Variants in PSKH1 observed in about 807,000 individuals in gnomAD.
PSKH1 encodes the protein protein serine kinase H1, also known as serine/threonine-protein kinase H1.
PSKH1 carries 12 observed loss-of-function variants against 26.7 expected under a neutral mutation model. The ratio of observed to expected loss-of-function variants is 0.45; its 90% confidence interval spans 0.29 to 0.73. The LOEUF (loss-of-function observed/expected upper bound fraction) is 0.73. Ranked by LOEUF, PSKH1 falls within the 30% of genes least tolerant of loss-of-function variation. PSKH1 has a pLI of 0.11. For synonymous variants in PSKH1, 213 were observed against 234.3 expected (o/e 0.91, Z 0.83); for missense variants, 431 against 595.2 (o/e 0.72, Z 2.87).
chr16:67,899,289 A>G (rs961797131), intron 1 of PSKH1, among the ~76,000 whole-genome samples: 3 of 151,320 alleles, frequency 2.0e-5, no homozygotes, highest in Admixed American at 6.6e-5. Context: ...AGGTTCTAGA[A>G]TTGTTGACTT....
chr16:67,917,200 G>C (rs535419238), intron 2 of PSKH1, among the ~76,000 whole-genome samples: 4 of 152,220 alleles, frequency 2.6e-5, no homozygotes, highest in Non-Finnish European at 5.9e-5. Context: ...TTACAGATGA[G>C]GAAACTGAGG....
At chr16:67,915,841 G>GC (rs2058186432) in intron 2 of PSKH1, among the ~76,000 whole-genome samples, 1 of 152,144 alleles carries the variant, frequency 6.6e-6, no homozygotes, top group South Asian at 2.1e-4. Context: ...CCTGGCCACT[G>GC]CCCACCCACA....
At position 67,909,207 on chromosome 16, in the gene PSKH1, C is replaced by T; in HGVS notation, c.458C>T (p.Ala153Val). Residue 153 changes from alanine to valine, a missense_variant, in exon 2 of 3, where the codon GCC (alanine) becomes GTC (valine). Coordinates refer to ENST00000291041, the MANE Select transcript of PSKH1 (RefSeq NM_006742.3). This position sits in a 1 kb window ranked among gnomAD's most constrained non-coding sequence, Gnocchi z 7.8. The stretch of plus-strand genomic sequence containing the variant: ...CGTGTGCTGCGTCGGGTGCGTCATG[C>T]CAACATCATCCAGCTGGTGGAGGTG... ...ELRVLRRVRH[A>V]NIIQLVEVFE... 6.2e-7 allele frequency: 1 copy of T among 1,614,114 alleles called. No individual in the cohort carries two copies. Among genetic ancestry groups the T allele is most frequent in the Non-Finnish European group, 8.5e-7 (1 of 1,180,038 alleles).
intron 1 of PSKH1, among the ~76,000 whole-genome samples, chr16:67,905,332 T>C (rs1422007576): frequency 1.3e-5 from 2 of 152,158 alleles, no homozygotes; most frequent in Non-Finnish European, 2.9e-5. Flanking sequence ...CCTGCCTTTG[T>C]ACCACCAAAC....
chr16:67,926,645 T>C (rs1209869572), intron 2 of PSKH1, among the ~76,000 whole-genome samples: 1 of 152,154 alleles, frequency 6.6e-6, no homozygotes, highest in Non-Finnish European at 1.5e-5. Flanking sequence ...CAGAATGTAC[T>C]AAAATGAGGC....
At chr16:67,924,916 G>A (rs2058211956) in intron 2 of PSKH1, among the ~76,000 whole-genome samples, 1 of 152,120 alleles carries the variant, frequency 6.6e-6, no homozygotes, top group Non-Finnish European at 1.5e-5. Context: ...CCCAGTAGTG[G>A]TTCCTTGTGT....
intron 2 of PSKH1, among the ~76,000 whole-genome samples, chr16:67,922,718 C>T (rs534183575): frequency 4.6e-5 from 7 of 152,276 alleles, no homozygotes; most frequent in Admixed American, 1.3e-4. Context: ...TCTCTAAGGC[C>T]GACAGAGAAG....
intron 2 of PSKH1, among the ~76,000 whole-genome samples, chr16:67,915,922 A>T (rs1028838729): frequency 1.3e-5 from 2 of 152,208 alleles, no homozygotes; most frequent in African/African-American, 2.4e-5. Flanking sequence ...CTAGAGGTTG[A>T]GATTGCCTGG....
intron 1 of PSKH1, among the ~76,000 whole-genome samples, chr16:67,905,690 C>G (rs892225105): frequency 5.9e-5 from 9 of 152,036 alleles, no homozygotes; most frequent in Middle Eastern, 3.2e-3. Flanking sequence ...AACCCTTTCT[C>G]TCTACTAAAA....
chr16:67,895,306 C>T (rs1233754014), intron 1 of PSKH1, among the ~76,000 whole-genome samples: 5 of 151,854 alleles, frequency 3.3e-5, no homozygotes, highest in Admixed American at 1.3e-4. Flanking sequence ...CTCAAGCAGT[C>T]CTCCCACCTT....
chr16:67,913,875 G>A (rs1156926042), intron 2 of PSKH1, among the ~76,000 whole-genome samples: 1 of 152,192 alleles, frequency 6.6e-6, no homozygotes, highest in Non-Finnish European at 1.5e-5. Flanking sequence ...TTTTTAGGCA[G>A]GTGCCTTAAA....
chr16:67,899,242 T>C (rs1219917850), intron 1 of PSKH1, among the ~76,000 whole-genome samples: 1 of 152,142 alleles, frequency 6.6e-6, no homozygotes, highest in Non-Finnish European at 1.5e-5. Flanking sequence ...AGTGTGGCTA[T>C]GGTTTAACCA....
At position 67,909,398 on chromosome 16, in the gene PSKH1, C is replaced by T. The variant is rs745344209; in HGVS notation, c.649C>T (p.Arg217Ter). The T allele has an allele frequency of 2.5e-6, 4 of 1,613,734 alleles. No individual in the cohort carries two copies. Among genetic ancestry groups the T allele is most frequent in the East Asian group, 2.2e-5 (1 of 44,872 alleles). The change falls in exon 2 of 3, where the codon CGA becomes TGA. Residue 217 changes from arginine (R) to a stop codon, truncating the protein, a stop_gained. Coordinates refer to ENST00000291041, the MANE Select transcript of PSKH1 (RefSeq NM_006742.3). LOFTEE classifies it high-confidence loss of function. This position sits in a 1 kb window ranked among gnomAD's most constrained non-coding sequence, Gnocchi z 7.8. ...TCTGCATGCACTGGGCATCACACACCGAGACCTCAAACCTGAGAATCTGCT... is the reference window on the plus strand; with the variant it reads ...TCTGCATGCACTGGGCATCACACACTGAGACCTCAAACCTGAGAATCTGCT... ...RYLHALGITH[R>*]DLKPENLLYY...
At chr16:67,923,070 G>A (rs868032086) in intron 2 of PSKH1, among the ~76,000 whole-genome samples, 2 of 152,162 alleles carry the variant, frequency 1.3e-5, no homozygotes, top group East Asian at 1.9e-4. Context: ...GGGTTGGTGC[G>A]GGGGGTCCTC....
intron 1 of PSKH1, among the ~76,000 whole-genome samples, chr16:67,907,293 C>G (rs1166743081): frequency 6.6e-6 from 1 of 150,552 alleles, no homozygotes; most frequent in East Asian, 1.9e-4. Flanking sequence ...TGGAGTCTCA[C>G]TCTTTTGTCC....
chr16:67,907,406 G>A (rs1412839307), intron 1 of PSKH1, among the ~76,000 whole-genome samples: 3 of 151,884 alleles, frequency 2.0e-5, no homozygotes, highest in Non-Finnish European at 2.9e-5. Context: ...GATTACAGGC[G>A]CCCACCACCA....
Position 67,909,104 on chromosome 16 carries a change from G to C in PSKH1, c.355G>C (p.Ala119Pro). ...FSRVVRVEHR[A>P]TRQPYAIKMI... Reference sequence around the variant, plus strand: ...CCGAGTGGTACGTGTAGAGCACCGGGCAACCCGGCAGCCGTATGCCATCAA... The same window carrying C: ...CCGAGTGGTACGTGTAGAGCACCGGCCAACCCGGCAGCCGTATGCCATCAA... Residue 119 changes from alanine (A) to proline (P), a missense_variant, in exon 2 of 3, where the codon GCA becomes CCA. Coordinates refer to ENST00000291041, the MANE Select transcript of PSKH1 (RefSeq NM_006742.3). This position sits in a 1 kb window ranked among gnomAD's most constrained non-coding sequence, Gnocchi z 7.8. 2 of 1,614,174 alleles carry C rather than the reference G, an allele frequency of 1.2e-6. No individual in the cohort carries two copies. The highest frequency in any genetic ancestry group is 1.7e-6 in the Non-Finnish European group (2 of 1,180,028).
chr16:67,914,679 C>T (rs980133756), intron 2 of PSKH1, among the ~76,000 whole-genome samples: 3 of 152,122 alleles, frequency 2.0e-5, no homozygotes, highest in African/African-American at 7.2e-5. Context: ...ATCTTAAACT[C>T]CTGACCTCAG....
At chr16:67,910,920 C>G (rs189306765) in intron 2 of PSKH1, among the ~76,000 whole-genome samples, 20 of 152,368 alleles carry the variant, frequency 1.3e-4, no homozygotes, top group Admixed American at 1.3e-3. Context: ...CAGTTTGTGT[C>G]TTTGGATCCA....
Sources: allele counts gnomAD v4.1 joint callset (sites outside exome capture counted in the v4.1 genomes callset), GRCh38; gene constraint gnomAD v4.1.1; non-coding constraint Gnocchi (gnomAD v3.1); transcripts MANE v1.5; gene names NCBI Gene and HGNC (gene_info 2026-07-23, HGNC 2026-07-21).